MYO1H: variants seen among roughly 807,000 people sequenced by gnomAD.
MYO1H encodes unconventional myosin-Ih.
In MYO1H, 118 loss-of-function variants were observed where a neutral mutation model predicts 149.3. That is an observed-to-expected ratio of 0.79 (90% CI 0.68 to 0.92). The LOEUF (loss-of-function observed/expected upper bound fraction) is 0.92. MYO1H is among the 40% of genes least tolerant of loss of function. The pLI is 0.00. For synonymous variants in MYO1H, 447 were observed against 465.2 expected (o/e 0.96, Z 0.50); for missense variants, 1,212 against 1,280.7 (o/e 0.95, Z 0.82).
chr12:109,375,746 G>A (rs1869075009), intron 1 of MYO1H, among the ~76,000 whole-genome samples: 2 of 152,126 alleles, frequency 1.3e-5, no homozygotes, highest in Non-Finnish European at 2.9e-5. Context: ...GGAAGGCCGA[G>A]GCAGATGGAT....
At chr12:109,435,997 G>A (rs1348029997) in intron 21 of MYO1H, among the ~76,000 whole-genome samples, 1 of 152,194 alleles carries the variant, frequency 6.6e-6, no homozygotes, top group Non-Finnish European at 1.5e-5. Flanking sequence ...CTTGGCCTCT[G>A]ATAGGACCTA....
chr12:109,318,972 G>GTTTTTTTTTTTTTTTTT, the MYO1H span, among the ~76,000 whole-genome samples: 54 of 77,236 alleles, frequency 7.0e-4, 1 homozygote, highest in South Asian at 1.1e-3. Flanking sequence ...TTTTGGTTTT[G>GTTTTTTTTTTTTTTTTT]TTTTTTTTTT....
chr12:109,437,877 C>G (rs1871928385), intron 22 of MYO1H, among the ~76,000 whole-genome samples: 1 of 151,996 alleles, frequency 6.6e-6, no homozygotes, highest in Non-Finnish European at 1.5e-5. Context: ...AACCTGAGGT[C>G]AGGAGTTCGA....
intron 14 of MYO1H, among the ~76,000 whole-genome samples, chr12:109,412,498 T>C (rs1870716757): frequency 6.6e-6 from 1 of 152,194 alleles, no homozygotes; most frequent in African/African-American, 2.4e-5. Flanking sequence ...TCTTCCTTTA[T>C]TCAGTGATCA....
rs777552235 is a variant in MYO1H, at chr12:109,433,077, G to A, written c.2063+67G>A. ...ATCAAAGGGTTTTGTGCATTGATCCGTATCCATCTAGAGCCTGGAGACTCG... is the reference window on the plus strand; with the variant it reads ...ATCAAAGGGTTTTGTGCATTGATCCATATCCATCTAGAGCCTGGAGACTCG... On this transcript the variant is annotated intron_variant, in intron 20 of 31. Coordinates refer to ENST00000310903, the Ensembl canonical transcript of MYO1H. 4.4e-5 allele frequency: 58 copies of A among 1,313,598 alleles called. No individual in the cohort carries two copies. The Middle Eastern group carries it at 5.4e-4, about 12-fold the overall frequency. 81.4% of individuals were successfully genotyped at this position (1,313,598 alleles called of 1,614,324 possible).
In MYO1H at chr12:109,418,581, G is replaced by A. The variant is rs562040107; in HGVS notation, c.1598-2400G>A. 2.2e-3 allele frequency among the ~76,000 whole-genome samples: 330 copies of A among 151,526 alleles called. 2 individuals are homozygous for A. The highest frequency in any genetic ancestry group is 2.3e-3 in the Non-Finnish European group (154 of 67,912). On this transcript the variant is annotated intron_variant, in intron 15 of 31. Coordinates refer to ENST00000310903, the Ensembl canonical transcript of MYO1H. ...TGTTTTGTTTTTTAGACGGAGTCTC[G>A]CCTGTGGCCCAGGCTGGAGTGCAGT...
At chr12:109,350,538 G>A (rs1049125315) in intron 1 of MYO1H, among the ~76,000 whole-genome samples, 3 of 152,310 alleles carry the variant, frequency 2.0e-5, no homozygotes, top group African/African-American at 7.2e-5. Flanking sequence ...CCCCAGCCAC[G>A]TGGAACTGTG....
intron 1 of MYO1H, among the ~76,000 whole-genome samples, chr12:109,367,785 C>G (rs2137011985): frequency 6.6e-6 from 1 of 152,232 alleles, no homozygotes; most frequent in African/African-American, 2.4e-5. Flanking sequence ...ATCTCCTGAC[C>G]TCATGATCCG....
intron 1 of MYO1H, among the ~76,000 whole-genome samples, chr12:109,379,315 A>G (rs529174347): frequency 6.6e-6 from 1 of 152,326 alleles, no homozygotes; most frequent in South Asian, 2.1e-4. Flanking sequence ...GCTGGGAATA[A>G]TGTCCATTTT....
intron 22 of MYO1H, among the ~76,000 whole-genome samples, chr12:109,437,746 T>G (rs1159405508): frequency 6.6e-6 from 1 of 150,852 alleles, no homozygotes; most frequent in Non-Finnish European, 1.5e-5. Flanking sequence ...ACAATGCTGT[T>G]CTGAGGATTC....
chr12:109,397,164 A>G (rs1320489138), intron 4 of MYO1H, among the ~76,000 whole-genome samples: 1 of 152,252 alleles, frequency 6.6e-6, no homozygotes, highest in South Asian at 2.1e-4. Flanking sequence ...ACAGATGCAC[A>G]AAAAACACAC....
intron 27 of MYO1H, among the ~76,000 whole-genome samples, chr12:109,442,916 C>G (rs1872209589): frequency 6.8e-6 from 1 of 147,502 alleles, no homozygotes; most frequent in Non-Finnish European, 1.5e-5. Flanking sequence ...GCAAGGCAGG[C>G]AGCCATAGCC....
the MYO1H span, among the ~76,000 whole-genome samples, chr12:109,315,933 G>A: frequency 5.3e-5 from 8 of 152,240 alleles, no homozygotes; most frequent in East Asian, 1.5e-3. Context: ...TATACATCTC[G>A]TTCTGACTTC....
At chr12:109,381,738 A>G (rs558992830) in intron 1 of MYO1H, among the ~76,000 whole-genome samples, 1 of 152,284 alleles carries the variant, frequency 6.6e-6, no homozygotes, top group Admixed American at 6.5e-5. Flanking sequence ...AGGGACAAGA[A>G]TTGCTTTAAC....
chr12:109,322,108 C>G, the MYO1H span, among the ~76,000 whole-genome samples: 1 of 151,954 alleles, frequency 6.6e-6, no homozygotes, highest in African/African-American at 2.4e-5. Flanking sequence ...AGCTGGCTCT[C>G]TTTATGGTCT....
In MYO1H at chr12:109,448,084, G is replaced by A. The variant is rs1010628956; in HGVS notation, c.*902G>A. 5.3e-5 allele frequency: 8 copies of A among 152,094 alleles called. No homozygotes were observed. The East Asian group carries it at 1.5e-3, about 29-fold the overall frequency. The allele number at this position is 152,094 out of a possible 1,614,324, so 9.4% of individuals were successfully genotyped here. A position where few individuals can be genotyped will look rare whatever the true frequency, so the allele number is the denominator to read the frequency against. On this transcript the variant is annotated 3_prime_UTR_variant, in exon 32 of 32. Coordinates refer to ENST00000310903, the Ensembl canonical transcript of MYO1H. ...CGATTCACCAAAACTTAGGTAATATGGTCTTATTTTTGATTTAATTAAATA... is the reference window on the plus strand; with the variant it reads ...CGATTCACCAAAACTTAGGTAATATAGTCTTATTTTTGATTTAATTAAATA...
At chr12:109,370,263 C>A (rs756103572) in intron 1 of MYO1H, among the ~76,000 whole-genome samples, 1 of 152,176 alleles carries the variant, frequency 6.6e-6, no homozygotes, top group Non-Finnish European at 1.5e-5. Flanking sequence ...TGTCTACATG[C>A]GACCAGCTCA....
At chr12:109,427,728 C>T in intron 19 of MYO1H, 142 bp downstream of exon 19, 1 of 606,234 alleles carries the variant, frequency 1.6e-6, no homozygotes, top group Non-Finnish European at 3.0e-6. Flanking sequence ...CAGCTAAAAA[C>T]ACTAACATTT....
the MYO1H span, among the ~76,000 whole-genome samples, chr12:109,342,301 C>T: frequency 5.9e-5 from 9 of 151,752 alleles, no homozygotes; most frequent in African/African-American, 9.7e-5. Flanking sequence ...TGCGCCACCA[C>T]GCTCAGCTAA....
Sources: allele counts gnomAD v4.1 joint callset (sites outside exome capture counted in the v4.1 genomes callset), GRCh38; gene constraint gnomAD v4.1.1; transcripts MANE v1.5; gene names NCBI Gene and HGNC (gene_info 2026-07-23, HGNC 2026-07-21).